The following LINGO2 variants were observed in gnomAD, a reference collection of about 807,000 sequenced individuals.
The protein encoded by LINGO2 is leucine-rich repeat and immunoglobulin-like domain-containing nogo receptor-interacting protein 2.
LINGO2 carries 14 observed loss-of-function variants against 30.6 expected under a neutral mutation model. The observed-to-expected ratio is 0.46, with a 90% CI of 0.30 to 0.72. The LOEUF (loss-of-function observed/expected upper bound fraction) is 0.72. Ranked by LOEUF, LINGO2 falls within the 30% of genes least tolerant of loss-of-function variation. The probability of loss-of-function intolerance (pLI) is 0.07; values close to 1 mark genes in which losing one functional copy is unlikely to be tolerated. For missense variants in LINGO2, 729 were observed against 751.7 expected (o/e 0.97, Z 0.35); for synonymous variants, 317 against 288.5 (o/e 1.10, Z -1.00).
At chr9:29,114,425 T>C in the LINGO2 span, among the ~76,000 whole-genome samples, 3 of 147,278 alleles carry the variant, frequency 2.0e-5, no homozygotes, top group Admixed American at 6.8e-5. Flanking sequence ...TATTATACTT[T>C]ATGTTTTAGG....
At chr9:28,003,531 T>A (rs1452898016) in intron 5 of LINGO2, among the ~76,000 whole-genome samples, 1 of 152,162 alleles carries the variant, frequency 6.6e-6, no homozygotes, top group African/African-American at 2.4e-5. Context: ...CAATCTCGGC[T>A]CACTGCAAGC....
At chr9:28,041,116 G>A (rs548406978) in intron 4 of LINGO2, among the ~76,000 whole-genome samples, 13 of 152,274 alleles carry the variant, frequency 8.5e-5, no homozygotes, top group Admixed American at 7.8e-4. Flanking sequence ...TACCACTATT[G>A]TTGACTGAAA....
At chr9:28,383,686 C>A (rs374317924) in intron 2 of LINGO2, among the ~76,000 whole-genome samples, 32 of 152,056 alleles carry the variant, frequency 2.1e-4, no homozygotes, top group African/African-American at 7.7e-4. Flanking sequence ...ATGTTAATGA[C>A]ATTTAGTAAT....
intron 3 of LINGO2, among the ~76,000 whole-genome samples, chr9:28,349,521 G>C (rs1387078844): frequency 5.9e-5 from 7 of 117,850 alleles, no homozygotes; most frequent in African/African-American, 1.7e-4. Flanking sequence ...ATCTACGTCT[G>C]ATTGGTGTAC....
chr9:28,306,899 T>G (rs1215060612), intron 3 of LINGO2, among the ~76,000 whole-genome samples: 1 of 152,220 alleles, frequency 6.6e-6, no homozygotes. Flanking sequence ...AATCTCTGAA[T>G]AGACCAATAA....
chr9:28,213,177 GC>G (rs1378649227), intron 4 of LINGO2, among the ~76,000 whole-genome samples: 1 of 151,440 alleles, frequency 6.6e-6, no homozygotes, highest in Non-Finnish European at 1.5e-5. Context: ...CAAAATACAT[GC>G]CTTCAAAGCT....
chr9:28,038,606 T>C (rs1824054265), intron 4 of LINGO2, among the ~76,000 whole-genome samples: 1 of 148,282 alleles, frequency 6.7e-6, no homozygotes, highest in Non-Finnish European at 1.5e-5. Flanking sequence ...GGCAGGAGAA[T>C]GGCGTGAACC....
chr9:28,515,946 C>G (rs1414531229), intron 1 of LINGO2, among the ~76,000 whole-genome samples: 3 of 152,116 alleles, frequency 2.0e-5, no homozygotes, highest in African/African-American at 7.2e-5. Context: ...GCCGCAGCCA[C>G]CCCAGCCTTC....
intron 2 of LINGO2, among the ~76,000 whole-genome samples, chr9:28,397,426 A>AT (rs1822094089): frequency 6.7e-6 from 1 of 149,868 alleles, no homozygotes; most frequent in Non-Finnish European, 1.5e-5. Context: ...TAATTAACAC[A>AT]TGTATTACCT....
At chr9:28,480,686 C>CT (rs1825924876) in intron 1 of LINGO2, among the ~76,000 whole-genome samples, 1 of 152,088 alleles carries the variant, frequency 6.6e-6, no homozygotes, top group Non-Finnish European at 1.5e-5. Context: ...AGATTTCAGT[C>CT]TCTTTCTTGT....
intron 1 of LINGO2, among the ~76,000 whole-genome samples, chr9:28,664,900 T>G (rs533237724): frequency 6.6e-6 from 1 of 150,896 alleles, no homozygotes; most frequent in African/African-American, 2.4e-5. Flanking sequence ...TTTCACATAT[T>G]TTTGTTATTA....
At chr9:28,534,568 TTTTC>T (rs887378676) in intron 1 of LINGO2, among the ~76,000 whole-genome samples, 3 of 152,190 alleles carry the variant, frequency 2.0e-5, no homozygotes, top group African/African-American at 4.8e-5. Flanking sequence ...TCTTAGCTCA[TTTTC>T]TTTCTAAGAA....
chr9:28,753,739 A>G, the LINGO2 span, among the ~76,000 whole-genome samples: 3 of 152,130 alleles, frequency 2.0e-5, no homozygotes, highest in South Asian at 6.2e-4. Flanking sequence ...GTTATATAAG[A>G]GAGAGCTGTG....
chr9:28,646,819 T>A (rs2135955800), intron 1 of LINGO2, among the ~76,000 whole-genome samples: 1 of 152,256 alleles, frequency 6.6e-6, no homozygotes. Flanking sequence ...ATATAGTTTG[T>A]TCTTGACTGC....
the LINGO2 span, among the ~76,000 whole-genome samples, chr9:29,196,096 T>C: frequency 6.6e-6 from 1 of 152,142 alleles, no homozygotes; most frequent in Admixed American, 6.6e-5. Flanking sequence ...AGTTTATTCT[T>C]TTCTTGTTAA....
At chr9:28,497,752 C>T (rs189786142) in intron 1 of LINGO2, among the ~76,000 whole-genome samples, 1,833 of 152,240 alleles carry the variant, frequency 0.012, 31 homozygotes, top group South Asian at 0.029. Flanking sequence ...TTAGAATTTT[C>T]AGCTTTTCTG....
At chr9:29,163,188 C>T in the LINGO2 span, among the ~76,000 whole-genome samples, 9 of 152,248 alleles carry the variant, frequency 5.9e-5, no homozygotes, top group East Asian at 1.7e-3. Flanking sequence ...TCATCTTTGC[C>T]AGAAAACTGC....
At chr9:29,045,293 T>G in the LINGO2 span, among the ~76,000 whole-genome samples, 6 of 152,086 alleles carry the variant, frequency 3.9e-5, no homozygotes, top group Admixed American at 2.6e-4. Context: ...TGGCCACAGG[T>G]AATTGAAACT....
intron 4 of LINGO2, among the ~76,000 whole-genome samples, chr9:28,290,772 C>G (rs546798099): frequency 1.6e-4 from 24 of 151,998 alleles, no homozygotes; most frequent in Non-Finnish European, 2.8e-4. Context: ...TTTTCAGAGG[C>G]CTGAACATCA....
Sources: gnomAD v4.1 joint callset for allele counts (sites outside exome capture counted in the v4.1 genomes callset) on GRCh38, gnomAD v4.1.1 for gene constraint, MANE v1.5 for transcripts, NCBI Gene and HGNC (gene_info 2026-07-23, HGNC 2026-07-21) for gene names.